JAZF1: variants seen among roughly 807,000 people sequenced by gnomAD.
The protein encoded by JAZF1 is juxtaposed with another zinc finger protein 1.
JAZF1 carries 8 observed loss-of-function variants against 26.4 expected under a neutral mutation model. That is an observed-to-expected ratio of 0.30 (90% CI 0.18 to 0.55). The LOEUF (loss-of-function observed/expected upper bound fraction) is 0.55. JAZF1 is among the 20% of genes least tolerant of loss of function. The pLI, the probability that JAZF1 is intolerant of heterozygous loss-of-function variation, is 0.94. For synonymous variants in JAZF1, 126 were observed against 122.3 expected, an observed-to-expected ratio of 1.03 and a Z score of -0.20; for missense variants, 199 against 322.0, an observed-to-expected ratio of 0.62 and a Z score of 2.92.
chr7:28,156,601 G>A lies in JAZF1; in HGVS notation c.115+23862C>T, dbSNP rs544115429. ...TTCTACAGCAGAGGTTCCCAAGAGT[G>A]TATTGAAATTACCTGGGAATTTGTT... On this transcript the variant is annotated intron_variant, in intron 1 of 4. Transcript: ENST00000283928. 2.2e-4 allele frequency among the ~76,000 whole-genome samples: 34 copies of A among 152,312 alleles called. 1 individual carries two copies. The South Asian group carries it at 6.8e-3, about 31-fold the overall frequency.
At chr7:28,113,207 G>A (rs1184603977) in intron 1 of JAZF1, among the ~76,000 whole-genome samples, 1 of 152,128 alleles carries the variant, frequency 6.6e-6, no homozygotes, top group African/African-American at 2.4e-5. Flanking sequence ...CAATTCTGTT[G>A]CTTTATGGCG....
chr7:27,918,561 G>A (rs1018269706), intron 2 of JAZF1, among the ~76,000 whole-genome samples: 1 of 152,206 alleles, frequency 6.6e-6, no homozygotes, highest in African/African-American at 2.4e-5. Flanking sequence ...GAGAATGGAT[G>A]TCAATATTTT....
At chr7:27,973,766 G>A (rs1269657238) in intron 2 of JAZF1, among the ~76,000 whole-genome samples, 1 of 152,168 alleles carries the variant, frequency 6.6e-6, no homozygotes, top group Non-Finnish European at 1.5e-5. Flanking sequence ...GCAAGCCAAG[G>A]GCAAAACAAT....
intron 1 of JAZF1, among the ~76,000 whole-genome samples, chr7:28,176,634 A>G (rs1197506168): frequency 6.6e-6 from 1 of 152,176 alleles, no homozygotes; most frequent in East Asian, 1.9e-4. Flanking sequence ...AAAGAGTGAT[A>G]TTTTCATTTT....
intron 2 of JAZF1, among the ~76,000 whole-genome samples, chr7:27,963,569 C>CCTTT (rs1554278421): frequency 2.4e-4 from 32 of 132,536 alleles, no homozygotes; most frequent in African/African-American, 9.0e-4. Context: ...CCCCCCCCCC[C>CCTTT]TTTTTTTTTG....
intron 2 of JAZF1, among the ~76,000 whole-genome samples, chr7:27,906,080 CAG>C (rs1274530761): frequency 6.6e-6 from 1 of 152,156 alleles, no homozygotes; most frequent in African/African-American, 2.4e-5. Flanking sequence ...GCTGACCAAA[CAG>C]AACTCTTAAA....
chr7:28,105,301 T>C (rs765530571), intron 1 of JAZF1, among the ~76,000 whole-genome samples: 3 of 152,242 alleles, frequency 2.0e-5, no homozygotes, highest in African/African-American at 2.4e-5. Context: ...AAAGGAACTA[T>C]AGCCCTTTCG....
At chr7:28,016,442 T>C (rs1002209659) in intron 1 of JAZF1, among the ~76,000 whole-genome samples, 7 of 152,164 alleles carry the variant, frequency 4.6e-5, no homozygotes, top group African/African-American at 1.7e-4. Context: ...GGCTGGCTAT[T>C]TTCACTCTGC....
chr7:27,931,942 A>C (rs1784694403), intron 2 of JAZF1, among the ~76,000 whole-genome samples: 1 of 152,178 alleles, frequency 6.6e-6, no homozygotes, highest in Non-Finnish European at 1.5e-5. Context: ...AAATAAAAAA[A>C]TTAAAAAAAT....
chr7:27,869,838 G>C (rs1028350831), intron 3 of JAZF1, among the ~76,000 whole-genome samples: 4 of 152,148 alleles, frequency 2.6e-5, no homozygotes, highest in Admixed American at 2.0e-4. Flanking sequence ...GTAAAGGGAG[G>C]CTGGTTTGAA....
At chr7:28,161,333 C>A (rs1783284134) in intron 1 of JAZF1, among the ~76,000 whole-genome samples, 1 of 143,584 alleles carries the variant, frequency 7.0e-6, no homozygotes, top group Admixed American at 7.0e-5. Context: ...GGAAGTCCTA[C>A]AGAAACCCTA....
intron 3 of JAZF1, among the ~76,000 whole-genome samples, chr7:27,856,932 C>T (rs1464461424): frequency 6.6e-6 from 1 of 152,244 alleles, no homozygotes; most frequent in Non-Finnish European, 1.5e-5. Flanking sequence ...TTTACAATCC[C>T]TTAGCTAGAC....
At chr7:27,848,487 T>C (rs1304891175) in intron 3 of JAZF1, among the ~76,000 whole-genome samples, 2 of 152,240 alleles carry the variant, frequency 1.3e-5, no homozygotes, top group Admixed American at 6.5e-5. Flanking sequence ...AACCATTCTC[T>C]ATCAGAGGAG....
intron 1 of JAZF1, among the ~76,000 whole-genome samples, chr7:28,073,776 T>C (rs1169956810): frequency 6.6e-6 from 1 of 152,150 alleles, no homozygotes; most frequent in African/African-American, 2.4e-5. Context: ...CAGAAGTCCC[T>C]GGATGTGTGA....
chr7:27,861,968 TC>T (rs1183167502), intron 3 of JAZF1, among the ~76,000 whole-genome samples: 1 of 152,194 alleles, frequency 6.6e-6, no homozygotes, highest in Non-Finnish European at 1.5e-5. Context: ...AACTGTGCCC[TC>T]ACCCTGGGCT....
At chr7:28,177,345 G>C (rs1460330489) in intron 1 of JAZF1, among the ~76,000 whole-genome samples, 1 of 152,160 alleles carries the variant, frequency 6.6e-6, no homozygotes, top group East Asian at 1.9e-4. Flanking sequence ...GAGGAAAACA[G>C]TTAAAAACAA....
chr7:27,862,863 TTC>T (rs1253068088), intron 3 of JAZF1, among the ~76,000 whole-genome samples: 1 of 152,254 alleles, frequency 6.6e-6, no homozygotes, highest in Non-Finnish European at 1.5e-5. Flanking sequence ...TTTGAAATCA[TTC>T]TTTTTTCTAG....
intron 1 of JAZF1, among the ~76,000 whole-genome samples, chr7:28,151,127 G>A (rs1343189365): frequency 6.6e-5 from 10 of 150,590 alleles, no homozygotes; most frequent in African/African-American, 1.2e-4. Context: ...TTTTTGAGAC[G>A]GAGTTTCACT....
intron 1 of JAZF1, among the ~76,000 whole-genome samples, chr7:28,023,684 C>T (rs147081235): frequency 2.0e-5 from 3 of 152,320 alleles, no homozygotes; most frequent in Non-Finnish European, 4.4e-5. Flanking sequence ...GTTAATGAGT[C>T]CAGCACTGGG....
Sources: gnomAD v4.1 joint callset for allele counts (sites outside exome capture counted in the v4.1 genomes callset) on GRCh38, gnomAD v4.1.1 for gene constraint, MANE v1.5 for transcripts, NCBI Gene and HGNC (gene_info 2026-07-23, HGNC 2026-07-21) for gene names.